Variants in KALRN observed in about 807,000 individuals in gnomAD.
KALRN encodes the protein kalirin.
A neutral mutation model predicts 353.7 loss-of-function variants in KALRN; 70 were observed. That is an observed-to-expected ratio of 0.20 (90% CI 0.16 to 0.24). The LOEUF (loss-of-function observed/expected upper bound fraction) is 0.24, where lower values mean the gene tolerates loss of function less well. Among genes scored for constraint, KALRN ranks in the 10% least tolerant of loss-of-function variants. The pLI is 1.00. For synonymous variants in KALRN, 1,391 were observed against 1,434.8 expected (o/e 0.97, Z 0.69); for missense variants, 2,791 against 3,756.7 (o/e 0.74, Z 6.72).
chr3:124,660,211 A>G (rs333292), intron 43 of KALRN, among the ~76,000 whole-genome samples: 91,901 of 152,028 alleles, frequency 0.6, 28,563 homozygotes, highest in African/African-American at 0.75. Context: ...GAGATTACAG[A>G]CATGAGCCAC....
At chr3:124,602,143 C>T (rs2076875602) in intron 34 of KALRN, among the ~76,000 whole-genome samples, 1 of 152,050 alleles carries the variant, frequency 6.6e-6, no homozygotes, top group Non-Finnish European at 1.5e-5. Flanking sequence ...GACATTTTGG[C>T]TAAATATACT....
At chr3:124,637,861 G>A (rs1279304609) in intron 37 of KALRN, among the ~76,000 whole-genome samples, 5 of 152,170 alleles carry the variant, frequency 3.3e-5, no homozygotes, top group Non-Finnish European at 7.3e-5. Context: ...TAAGCCACTG[G>A]CAGCCTGTCT....
At chr3:124,458,094 G>A (rs2059503210) in intron 23 of KALRN, among the ~76,000 whole-genome samples, 2 of 152,138 alleles carry the variant, frequency 1.3e-5, no homozygotes, top group Middle Eastern at 3.4e-3. Flanking sequence ...TGGCCAACAT[G>A]GTGAAACCCC....
chr3:124,597,071 C>A (rs561912239), intron 34 of KALRN, among the ~76,000 whole-genome samples: 101 of 74,350 alleles, frequency 1.4e-3, no homozygotes, highest in African/African-American at 6.6e-3. Flanking sequence ...AACAAAAACA[C>A]AAACAAAACA....
Position 124,562,409 on chromosome 3 carries a change from TAGTC to T in KALRN, c.4936-431_4936-428del, listed in dbSNP as rs544652969. The stretch of plus-strand genomic sequence containing the variant: ...CCATACAATAGGAGTCTGAGGGTGG[TAGTC>T]AGGGCAGGGACAGGGCACAGGGTAG... On this transcript the variant is annotated intron_variant, in intron 33 of 59. Transcript: ENST00000682506. 6.8e-4 allele frequency among the ~76,000 whole-genome samples: 104 copies of T among 151,954 alleles called. 1 individual carries two copies. The highest frequency in any genetic ancestry group is 1.4e-3 in the Non-Finnish European group (96 of 67,926).
chr3:124,662,402 G>T (rs1326101086), intron 45 of KALRN, among the ~76,000 whole-genome samples: 3 of 151,718 alleles, frequency 2.0e-5, no homozygotes, highest in Non-Finnish European at 2.9e-5. Context: ...TAAAGATGGG[G>T]TTTTGCCATG....
intron 51 of KALRN, among the ~76,000 whole-genome samples, chr3:124,689,415 A>G (rs2061709474): frequency 6.6e-6 from 1 of 152,052 alleles, no homozygotes; most frequent in Admixed American, 6.6e-5. Context: ...TATGTTGCCC[A>G]GGCTGGTCTT....
intron 14 of KALRN, among the ~76,000 whole-genome samples, chr3:124,421,037 G>T (rs539197874): frequency 6.6e-6 from 1 of 152,274 alleles, no homozygotes; most frequent in African/African-American, 2.4e-5. Context: ...CCCATCATTG[G>T]TTAGGATCCT....
At chr3:124,241,983 C>T (rs57316932) in intron 3 of KALRN, among the ~76,000 whole-genome samples, 2,899 of 152,250 alleles carry the variant, frequency 0.019, 91 homozygotes, top group African/African-American at 0.066. Flanking sequence ...TGTAGAAACA[C>T]ATAGTCTTTT....
At chr3:124,639,388 C>T (rs1159332458) in intron 37 of KALRN, among the ~76,000 whole-genome samples, 4 of 152,100 alleles carry the variant, frequency 2.6e-5, no homozygotes, top group Non-Finnish European at 5.9e-5. Flanking sequence ...ATTTCATTTG[C>T]GTTTTACCTC....
intron 5 of KALRN, among the ~76,000 whole-genome samples, chr3:124,291,776 C>T (rs1038932061): frequency 6.6e-6 from 1 of 152,140 alleles, no homozygotes; most frequent in Non-Finnish European, 1.5e-5. Flanking sequence ...TGCTGTCCTT[C>T]CTTGAGCAGA....
chr3:124,442,763 T>C (rs981589371), intron 19 of KALRN, among the ~76,000 whole-genome samples: 1 of 150,806 alleles, frequency 6.6e-6, no homozygotes, highest in African/African-American at 2.4e-5. Context: ...GATGGGAGGG[T>C]TGCTTGAGGC....
chr3:124,401,830 G>A (rs926598525), intron 13 of KALRN, among the ~76,000 whole-genome samples: 4 of 152,164 alleles, frequency 2.6e-5, no homozygotes, highest in African/African-American at 9.7e-5. Flanking sequence ...AAGTCAGATT[G>A]TCAGAAGTTA....
chr3:124,428,863 A>G (rs1283045424), intron 15 of KALRN, among the ~76,000 whole-genome samples: 1 of 152,162 alleles, frequency 6.6e-6, no homozygotes, highest in East Asian at 1.9e-4. Flanking sequence ...AACAAAACTG[A>G]AGAGACCCAA....
intron 3 of KALRN, among the ~76,000 whole-genome samples, chr3:124,243,220 T>C (rs1162466847): frequency 1.3e-5 from 2 of 152,146 alleles, no homozygotes; most frequent in Non-Finnish European, 2.9e-5. Flanking sequence ...CATGCCACCA[T>C]TGTAGGACTT....
At chr3:124,258,835 G>C (rs1334435939) in intron 3 of KALRN, among the ~76,000 whole-genome samples, 1 of 152,216 alleles carries the variant, frequency 6.6e-6, no homozygotes, top group African/African-American at 2.4e-5. Flanking sequence ...ACCAACCAAA[G>C]TTTGAGACCT....
intron 1 of KALRN, among the ~76,000 whole-genome samples, chr3:124,221,073 C>G (rs2148409858): frequency 6.6e-6 from 1 of 152,342 alleles, no homozygotes; most frequent in South Asian, 2.1e-4. Context: ...GATGCCTCCC[C>G]AGGTGTCCAC....
intron 1 of KALRN, among the ~76,000 whole-genome samples, chr3:124,213,458 A>G (rs1039888972): frequency 2.0e-5 from 3 of 152,160 alleles, no homozygotes; most frequent in African/African-American, 2.4e-5. Context: ...TTTAAAAAAT[A>G]TACTTTCATA....
At chr3:124,432,220 G>C (rs2093303847) in intron 16 of KALRN, among the ~76,000 whole-genome samples, 1 of 151,984 alleles carries the variant, frequency 6.6e-6, no homozygotes, top group African/African-American at 2.4e-5. Flanking sequence ...GACCAGCCTG[G>C]CCAAATGGTG....
Sources: allele counts gnomAD v4.1 joint callset (sites outside exome capture counted in the v4.1 genomes callset), GRCh38; gene constraint gnomAD v4.1.1; transcripts MANE v1.5; gene names NCBI Gene and HGNC (gene_info 2026-07-23, HGNC 2026-07-21).